Variants in NECTIN1 observed in about 807,000 individuals in gnomAD.
NECTIN1 encodes nectin-1.
Under a neutral mutation model 48.0 loss-of-function variants are expected in NECTIN1, and 23 were observed. The observed-to-expected ratio is 0.48, with a 90% confidence interval of 0.34 to 0.68. The LOEUF (loss-of-function observed/expected upper bound fraction) is 0.68, where lower values mean the gene tolerates loss of function less well. Among genes scored for constraint, NECTIN1 ranks in the 30% least tolerant of loss-of-function variants. NECTIN1 has a pLI of 0.01. For missense variants in NECTIN1, 591 were observed against 709.9 expected, an observed-to-expected ratio of 0.83 and a Z score of 1.90; for synonymous variants, 270 against 288.9, an observed-to-expected ratio of 0.93 and a Z score of 0.66.
chr11:119,670,599 T>C (rs1473789047), intron 5 of NECTIN1, among the ~76,000 whole-genome samples: 1 of 151,902 alleles, frequency 6.6e-6, no homozygotes, highest in Non-Finnish European at 1.5e-5. Flanking sequence ...GACACTAGGC[T>C]TTTTTTCTCC....
At position 119,672,669 on chromosome 11, in the gene NECTIN1, G is replaced by A. The variant is rs186858416; in HGVS notation, c.1003+2490C>T. On this transcript the variant is annotated intron_variant, in intron 5 of 5. Coordinates refer to ENST00000264025, the MANE Select transcript of NECTIN1 (RefSeq NM_002855.5). This position sits in a 1 kb window ranked among gnomAD's most constrained non-coding sequence, Gnocchi z 4.3. ...TCGCCACGGTGCTTCCTGGCTGAGAGCCCTTCAGAGACTCCCTGTGGCCAA... is the reference window on the plus strand; with the variant it reads ...TCGCCACGGTGCTTCCTGGCTGAGAACCCTTCAGAGACTCCCTGTGGCCAA... 1.3e-5 allele frequency among the ~76,000 whole-genome samples: 2 copies of A among 152,312 alleles called. No individual in the cohort carries two copies. Among genetic ancestry groups the A allele is most frequent in the Admixed American group, 1.3e-4 (2 of 15,306 alleles).
At position 119,641,344 on chromosome 11, in the gene NECTIN1, C is replaced by T. The variant is rs561679161; in HGVS notation, c.1004-1332G>A. The T allele has an allele frequency of 2.6e-5, 4 of 152,366 alleles. No individual in the cohort carries two copies. The East Asian group carries it at 7.7e-4, about 29-fold the overall frequency. 9.4% of individuals were successfully genotyped at this position (152,366 alleles called of 1,614,324 possible). On this transcript the variant is annotated intron_variant, in intron 5 of 7. Coordinates refer to the NECTIN1 transcript ENST00000341398. ...CGTGCCTAGCTCCAGAGTGATCGTT[C>T]TAAACTACAAATCAGATCAGGCCAC...
At chr11:119,695,326 C>G (rs1476370791) in intron 1 of NECTIN1, among the ~76,000 whole-genome samples, 1 of 140,652 alleles carries the variant, frequency 7.1e-6, no homozygotes, top group Non-Finnish European at 1.5e-5. Flanking sequence ...CCCCACCAGT[C>G]CCCGCTGCCA....
chr11:119,689,111 T>C (rs1282483032), intron 1 of NECTIN1, among the ~76,000 whole-genome samples: 2 of 152,146 alleles, frequency 1.3e-5, no homozygotes, highest in Non-Finnish European at 1.5e-5. Flanking sequence ...TTTCACCTCA[T>C]TTGGTTTCTG....
chr11:119,668,641 C>A (rs774334878), intron 5 of NECTIN1, among the ~76,000 whole-genome samples: 1 of 152,226 alleles, frequency 6.6e-6, no homozygotes, highest in African/African-American at 2.4e-5. Flanking sequence ...TTACCGTGAT[C>A]TTTTTCTCTT....
At chr11:119,719,877 C>T (rs1865799197) in intron 1 of NECTIN1, among the ~76,000 whole-genome samples, 1 of 152,066 alleles carries the variant, frequency 6.6e-6, no homozygotes, top group Non-Finnish European at 1.5e-5. Context: ...CCTTAGCTTG[C>T]GGGGGGAGCG....
rs983375472 is a variant in NECTIN1, at chr11:119,674,438, G to A, written c.1003+721C>T. ...TTATTGACAGACTGATCTGTGCTAGGTGCTTGACTTACATCACGTAGAATT... is the reference window on the plus strand; with the variant it reads ...TTATTGACAGACTGATCTGTGCTAGATGCTTGACTTACATCACGTAGAATT... On this transcript the variant is annotated intron_variant, in intron 5 of 5. Coordinates refer to ENST00000264025, the MANE Select transcript of NECTIN1 (RefSeq NM_002855.5). The A allele has an allele frequency of 7.0e-6, 11 of 1,580,662 alleles. No homozygotes were observed. In the Admixed American group the frequency reaches 8.5e-5, roughly 12 times the overall value.
rs957914694 is a variant in NECTIN1 at position 119,661,053 on chromosome 11, C to T, written c.*3694G>A. On this transcript the variant is annotated 3_prime_UTR_variant, in exon 6 of 6. Transcript: ENST00000264025. ...TTTAATCCTCAGTACATTTTCAACC[C>T]ATCATTTTTTTTTAATACAAGTAAA... The T allele has an allele frequency of 1.3e-5, 13 of 980,830 alleles. No individual in the cohort carries two copies. The highest frequency in any genetic ancestry group is 1.6e-5 in the Non-Finnish European group (13 of 825,492). 60.8% of individuals were successfully genotyped at this position (980,830 alleles called of 1,614,324 possible). A position where few individuals can be genotyped will look rare whatever the true frequency, so the allele number is the denominator to read the frequency against.
At chr11:119,658,188 T>C (rs1864606945), downstream of NECTIN1, among the ~76,000 whole-genome samples, 1 of 152,146 alleles carries the variant, frequency 6.6e-6, no homozygotes. Context: ...GGGGCCAGCA[T>C]AGATGAGGCC....
chr11:119,683,896 C>T lies in NECTIN1; in HGVS notation c.80-5131G>A, dbSNP rs1429976463. 6.6e-6 allele frequency among the ~76,000 whole-genome samples: 1 copy of T among 152,156 alleles called. No homozygotes were observed. Among genetic ancestry groups the T allele is most frequent in the Non-Finnish European group, 1.5e-5 (1 of 68,030 alleles). ...TTGGGCAGTTCAGGCTGCCTCACTTCCCAGAAGTGCTGAGCCAGCATGACG... is the reference window on the plus strand; with the variant it reads ...TTGGGCAGTTCAGGCTGCCTCACTTTCCAGAAGTGCTGAGCCAGCATGACG... On this transcript the variant is annotated intron_variant, in intron 1 of 5. Transcript: ENST00000264025. The surrounding 1 kb of genome is among the most constrained non-coding windows in gnomAD (Gnocchi z 4.0).
rs141036439 is a variant in NECTIN1, at chr11:119,664,864, G to A, written c.1437C>T (p.Asp479=). The change falls in exon 6 of 6, where the codon GAC becomes GAT. Residue 479 remains aspartate, a synonymous_variant. Coordinates refer to ENST00000264025, the MANE Select transcript of NECTIN1 (RefSeq NM_002855.5). ...AGCCCAGAGTCCGGTCCCCGTAGCC[G>A]TCCTGACGGGCCTCGGCCTCATCCA... ...FTVDEAEARQ[D]GYGDRTLGYQ... is the part of the protein sequence containing the mutation. The A allele has an allele frequency of 5.0e-6, 8 of 1,613,854 alleles. No homozygotes were observed. The highest frequency in any genetic ancestry group is 2.2e-5 in the East Asian group (1 of 44,884).
intron 5 of NECTIN1, among the ~76,000 whole-genome samples, chr11:119,668,936 A>G (rs182527352): frequency 6.6e-6 from 1 of 152,284 alleles, no homozygotes; most frequent in East Asian, 1.9e-4. Flanking sequence ...TAAGCTCACT[A>G]TTGTTACATT....
At chr11:119,702,256 C>T (rs1163683037) in intron 1 of NECTIN1, among the ~76,000 whole-genome samples, 3 of 152,236 alleles carry the variant, frequency 2.0e-5, no homozygotes, top group Non-Finnish European at 4.4e-5. Context: ...ACCTTTCCCA[C>T]CAGGGCCTCC....
chr11:119,638,122 G>C, exon 8 of NECTIN1: 1 of 1,613,486 alleles, frequency 6.2e-7, no homozygotes, highest in Non-Finnish European at 8.5e-7. Context: ...CTCGAGGTTC[G>C]GTTGTCCTTA....
In NECTIN1 at chr11:119,664,208, G is replaced by A; in HGVS notation, c.*539C>T. The A allele has an allele frequency of 1.1e-5, 11 of 987,210 alleles. No individual in the cohort carries two copies. The highest frequency in any genetic ancestry group is 1.3e-5 in the Non-Finnish European group (11 of 830,962). 61.2% of individuals were successfully genotyped at this position (987,210 alleles called of 1,614,324 possible). On this transcript the variant is annotated 3_prime_UTR_variant, in exon 6 of 6. Transcript: ENST00000264025. The stretch of plus-strand genomic sequence containing the variant: ...CCGCACCCCTCCCCCTACCTCTTGG[G>A]CGCACCAGCTGTCTAGACCCAAGGT...
intron 5 of NECTIN1, among the ~76,000 whole-genome samples, chr11:119,650,900 T>C (rs1434928411): frequency 6.6e-6 from 1 of 152,204 alleles, no homozygotes; most frequent in Non-Finnish European, 1.5e-5. Flanking sequence ...CCTGAGTCAC[T>C]TTGTAATTTC....
chr11:119,723,399 A>G (rs1865864100), intron 1 of NECTIN1, among the ~76,000 whole-genome samples: 2 of 151,946 alleles, frequency 1.3e-5, no homozygotes, highest in African/African-American at 4.8e-5. Context: ...AGAGGAACTG[A>G]GCTGTCTGCT....
chr11:119,717,015 C>G (rs924741195), intron 1 of NECTIN1, among the ~76,000 whole-genome samples: 1 of 152,224 alleles, frequency 6.6e-6, no homozygotes, highest in Non-Finnish European at 1.5e-5. Context: ...ACACAAGTGC[C>G]GAGGGGCTAG....
chr11:119,675,519 G>T, intron 4 of NECTIN1: 1 of 572,578 alleles, frequency 1.7e-6, no homozygotes, highest in Non-Finnish European at 3.0e-6. Context: ...CATAATATGG[G>T]AATATAGGCA....
Sources: allele counts gnomAD v4.1 joint callset (sites outside exome capture counted in the v4.1 genomes callset), GRCh38; gene constraint gnomAD v4.1.1; non-coding constraint Gnocchi (gnomAD v3.1); transcripts MANE v1.5; gene names NCBI Gene and HGNC (gene_info 2026-07-23, HGNC 2026-07-21).